KIAA1217: variants seen among roughly 807,000 people sequenced by gnomAD.
The protein encoded by KIAA1217 is sickle tail protein homolog.
In KIAA1217, 88 loss-of-function variants were observed where a neutral mutation model predicts 163.9. The observed-to-expected ratio is 0.54, with a 90% CI of 0.45 to 0.64. The LOEUF is 0.64. KIAA1217 is among the 30% of genes least tolerant of loss of function. The probability of loss-of-function intolerance (pLI) is 0.00; values close to 1 mark genes in which losing one functional copy is unlikely to be tolerated. For missense variants in KIAA1217, 2,372 were observed against 2,475.0 expected (o/e 0.96, Z 0.88); for synonymous variants, 903 against 923.1 (o/e 0.98, Z 0.39).
intron 2 of KIAA1217, among the ~76,000 whole-genome samples, chr10:24,008,820 C>T (rs1239282219): frequency 1.3e-5 from 2 of 152,132 alleles, no homozygotes; most frequent in Non-Finnish European, 2.9e-5. Flanking sequence ...TGCCGTAACA[C>T]GAGGGAGCAG....
At chr10:24,432,021 A>G (rs1379050131) in intron 3 of KIAA1217, among the ~76,000 whole-genome samples, 1 of 152,078 alleles carries the variant, frequency 6.6e-6, no homozygotes, top group East Asian at 1.9e-4. Context: ...ACCCATGGCT[A>G]TAATGATTGT....
chr10:24,209,773 G>A (rs1246179312), intron 1 of KIAA1217, among the ~76,000 whole-genome samples: 1 of 152,112 alleles, frequency 6.6e-6, no homozygotes, highest in Admixed American at 6.5e-5. Context: ...AGCAGGGGAG[G>A]GCTTGAGCAT....
intron 1 of KIAA1217, among the ~76,000 whole-genome samples, chr10:23,831,828 T>C (rs1838217545): frequency 6.6e-6 from 1 of 152,194 alleles, no homozygotes; most frequent in Non-Finnish European, 1.5e-5. Context: ...GATGTGGAAT[T>C]TAGCATACTT....
At position 24,524,498 on chromosome 10, in the gene KIAA1217, C is replaced by G. The variant is rs61735619; in HGVS notation, c.2632C>G (p.Pro878Ala). 3.7e-6 allele frequency: 6 copies of G among 1,614,056 alleles called. No homozygotes were observed. Among genetic ancestry groups the G allele is most frequent in the Non-Finnish European group, 4.2e-6 (5 of 1,180,050 alleles). ...TGGCGATGCGAAGTCGGAAGTGGTGCCTTTGTCCGGCATGATGGTTCGCCA... is the reference window on the plus strand; with the variant it reads ...TGGCGATGCGAAGTCGGAAGTGGTGGCTTTGTCCGGCATGATGGTTCGCCA... ...APGDAKSEVV[P>A]LSGMMVRHAQ... Residue 878 changes from proline to alanine, a missense_variant, in exon 13 of 21, where the codon CCT (proline) becomes GCT (alanine). Around this residue, in one of 3 missense-constraint regions of KIAA1217, gnomAD observed 1,431 missense variants for 1,470.3 expected, o/e 0.97. Coordinates refer to ENST00000376454, the MANE Select transcript of KIAA1217 (RefSeq NM_019590.5).
At chr10:24,332,449 T>C (rs530999303) in intron 2 of KIAA1217, among the ~76,000 whole-genome samples, 9 of 152,254 alleles carry the variant, frequency 5.9e-5, no homozygotes, top group African/African-American at 1.7e-4. Context: ...TGGGATGGGT[T>C]GGGGTAGCAG....
chr10:24,373,714 A>T (rs1056395595), intron 2 of KIAA1217, among the ~76,000 whole-genome samples: 1 of 152,096 alleles, frequency 6.6e-6, no homozygotes. Flanking sequence ...TGTCCTTGTC[A>T]TTTGTTTGTT....
intron 2 of KIAA1217, among the ~76,000 whole-genome samples, chr10:24,173,266 C>T (rs10828612): frequency 0.33 from 50,124 of 151,952 alleles, 8,394 homozygotes; most frequent in Middle Eastern, 0.4. Flanking sequence ...CTATCACCCC[C>T]AAATGGGACC....
intron 1 of KIAA1217, among the ~76,000 whole-genome samples, chr10:23,749,990 C>A (rs975802459): frequency 6.6e-6 from 1 of 152,076 alleles, no homozygotes; most frequent in African/African-American, 2.4e-5. Context: ...CTCTTCTTCT[C>A]TTCTCCTTTC....
intron 1 of KIAA1217, among the ~76,000 whole-genome samples, chr10:23,705,240 C>T (rs572564503): frequency 2.0e-5 from 3 of 152,016 alleles, no homozygotes; most frequent in East Asian, 1.9e-4. Flanking sequence ...TTTTCAGTTT[C>T]CTGATGGTTT....
At chr10:24,320,705 A>G (rs548425534) in intron 2 of KIAA1217, among the ~76,000 whole-genome samples, 133 of 152,272 alleles carry the variant, frequency 8.7e-4, no homozygotes, top group African/African-American at 3.0e-3. Context: ...AAGACGGAAA[A>G]TTCTCCATTT....
chr10:23,831,720 T>C (rs1427302653), intron 1 of KIAA1217, among the ~76,000 whole-genome samples: 1 of 152,186 alleles, frequency 6.6e-6, no homozygotes, highest in African/African-American at 2.4e-5. Context: ...TCATTCTTCT[T>C]GTGGTTATAT....
At chr10:23,829,745 C>T (rs551806107) in intron 1 of KIAA1217, among the ~76,000 whole-genome samples, 28 of 152,256 alleles carry the variant, frequency 1.8e-4, no homozygotes, top group Middle Eastern at 3.4e-3. Flanking sequence ...GTATTACATA[C>T]GTAATCTTTT....
chr10:23,798,820 C>A (rs2130951457), intron 1 of KIAA1217, among the ~76,000 whole-genome samples: 1 of 152,216 alleles, frequency 6.6e-6, no homozygotes, highest in South Asian at 2.1e-4. Context: ...AGCGTAGAGT[C>A]CATTGGAAGG....
Position 24,417,785 on chromosome 10 carries a change from C to T in KIAA1217, c.554-15210C>T, listed in dbSNP as rs550048861. Reference sequence around the variant, plus strand: ...AATGAGCTTGAAAAATTAGGGTGTCCGTCCTGTGAAATGGAATCCCACAGC... The same window carrying T: ...AATGAGCTTGAAAAATTAGGGTGTCTGTCCTGTGAAATGGAATCCCACAGC... On this transcript the variant is annotated intron_variant, in intron 3 of 20. Coordinates refer to ENST00000376454, the MANE Select transcript of KIAA1217 (RefSeq NM_019590.5). Among the ~76,000 whole-genome samples, 41 of 151,802 alleles carry T rather than the reference C, an allele frequency of 2.7e-4. 1 individual carries two copies. The highest frequency in any genetic ancestry group is 6.3e-4 in the African/African-American group (26 of 41,370).
Position 23,707,862 on chromosome 10 carries a change from C to T in KIAA1217, c.-321+12628C>T, listed in dbSNP as rs1836992008. Among the ~76,000 whole-genome samples the T allele has an allele frequency of 2.6e-5, 4 of 152,034 alleles. 1 individual carries two copies. The highest frequency in any genetic ancestry group is 2.6e-4 in the Admixed American group (4 of 15,260). ...CTGCTCTTTCCATTCCAGTTCTTTA[C>T]ATTTTTGAGACTCAAAGTGGAGGCA... is the stretch of plus-strand genomic sequence containing the variant. On this transcript the variant is annotated intron_variant, in intron 1 of 18. Transcript: ENST00000376462.
Position 24,546,385 on chromosome 10 carries a change from C to A in KIAA1217, c.*61C>A. 6.9e-7 allele frequency: 1 copy of A among 1,449,216 alleles called. No homozygotes were observed. The highest frequency in any genetic ancestry group is 9.3e-7 in the Non-Finnish European group (1 of 1,074,344). 89.8% of individuals were successfully genotyped at this position (1,449,216 alleles called of 1,614,324 possible). On this transcript the variant is annotated 3_prime_UTR_variant, in exon 21 of 21. Coordinates refer to ENST00000376454, the MANE Select transcript of KIAA1217 (RefSeq NM_019590.5). The stretch of plus-strand genomic sequence containing the variant: ...TTTAAAAAAAATTAACAGTCTACAA[C>A]AACTGTTTTCACAAGAGAATGTAAC...
chr10:24,212,181 C>A (rs915508603), intron 1 of KIAA1217, among the ~76,000 whole-genome samples: 1 of 152,018 alleles, frequency 6.6e-6, no homozygotes, highest in Non-Finnish European at 1.5e-5. Context: ...CTAAAGGATT[C>A]AACTTGGGAT....
At chr10:24,411,561 T>C (rs183749173) in intron 3 of KIAA1217, among the ~76,000 whole-genome samples, 1 of 152,362 alleles carries the variant, frequency 6.6e-6, no homozygotes, top group African/African-American at 2.4e-5. Flanking sequence ...CTTTCACATA[T>C]TAACATTACT....
chr10:24,376,787 C>T (rs2052560364), intron 2 of KIAA1217, among the ~76,000 whole-genome samples: 1 of 152,136 alleles, frequency 6.6e-6, no homozygotes, highest in Admixed American at 6.5e-5. Context: ...GAATGACCAA[C>T]CAACCAATCT....
Sources: allele counts gnomAD v4.1 joint callset (sites outside exome capture counted in the v4.1 genomes callset), GRCh38; gene constraint gnomAD v4.1.1; regional missense constraint gnomAD v4.1.1; transcripts MANE v1.5; gene names NCBI Gene and HGNC (gene_info 2026-07-23, HGNC 2026-07-21).